SPOCK3: variants seen among roughly 807,000 people sequenced by gnomAD.
The protein encoded by SPOCK3 is SPARC (osteonectin), cwcv and kazal like domains proteoglycan 3.
SPOCK3 carries 30 observed loss-of-function variants against 56.6 expected under a neutral mutation model. That is an observed-to-expected ratio of 0.53 (90% CI 0.40 to 0.72). The LOEUF (loss-of-function observed/expected upper bound fraction) is 0.72, where lower values mean the gene tolerates loss of function less well. Among genes scored for constraint, SPOCK3 ranks in the 30% least tolerant of loss-of-function variants. The probability of loss-of-function intolerance (pLI) is 0.00; values close to 1 mark genes in which losing one functional copy is unlikely to be tolerated. For synonymous variants in SPOCK3, 196 were observed against 183.3 expected, an observed-to-expected ratio of 1.07 and a Z score of -0.56; for missense variants, 527 against 530.0, an observed-to-expected ratio of 0.99 and a Z score of 0.06.
intron 6 of SPOCK3, among the ~76,000 whole-genome samples, chr4:166,859,345 T>A (rs1019466721): frequency 2.0e-5 from 3 of 152,124 alleles, no homozygotes; most frequent in Non-Finnish European, 4.4e-5. Flanking sequence ...ATATAAAAAA[T>A]AAACACTGAT....
chr4:167,078,915 G>A (rs1757461002), intron 2 of SPOCK3, among the ~76,000 whole-genome samples: 4 of 151,814 alleles, frequency 2.6e-5, no homozygotes, highest in African/African-American at 9.7e-5. Flanking sequence ...GGAGCTTAGA[G>A]TCTGACTCTG....
chr4:167,169,514 T>C (rs776521074), intron 2 of SPOCK3, among the ~76,000 whole-genome samples: 9 of 152,188 alleles, frequency 5.9e-5, no homozygotes, highest in Admixed American at 1.3e-4. Context: ...GGAGTTGGTG[T>C]ATTTATCCAA....
chr4:167,205,544 T>TTA (rs1561322742), intron 2 of SPOCK3, among the ~76,000 whole-genome samples: 25 of 57,624 alleles, frequency 4.3e-4, no homozygotes, highest in Non-Finnish European at 6.2e-4. Flanking sequence ...ATAATATATA[T>TTA]TATATAATAT....
chr4:167,106,834 C>T (rs1011696467), intron 2 of SPOCK3, among the ~76,000 whole-genome samples: 4 of 149,034 alleles, frequency 2.7e-5, no homozygotes, highest in African/African-American at 4.9e-5. Context: ...CAATTGATAC[C>T]ACAGAAATTG....
intron 2 of SPOCK3, chr4:167,083,312 A>G: frequency 2.6e-6 from 2 of 764,578 alleles, no homozygotes; most frequent in Non-Finnish European, 4.8e-6. Flanking sequence ...ATCTGCTCCT[A>G]CTGAGATGCC....
intron 2 of SPOCK3, among the ~76,000 whole-genome samples, chr4:167,095,554 G>A (rs1204338632): frequency 6.6e-6 from 1 of 151,874 alleles, no homozygotes; most frequent in African/African-American, 2.4e-5. Flanking sequence ...AAATAAAATT[G>A]TAGCCATAGT....
chr4:167,154,349 C>A (rs950380547), intron 2 of SPOCK3, among the ~76,000 whole-genome samples: 1 of 151,820 alleles, frequency 6.6e-6, no homozygotes, highest in Non-Finnish European at 1.5e-5. Flanking sequence ...GTTTTGGGAC[C>A]AGGATTACGG....
At chr4:166,800,264 T>C (rs35117354) in intron 6 of SPOCK3, among the ~76,000 whole-genome samples, 1 of 149,094 alleles carries the variant, frequency 6.7e-6, no homozygotes, top group African/African-American at 2.5e-5. Context: ...ATATTCATGG[T>C]GCATTATCTG....
At chr4:166,899,057 C>T (rs1355876952) in intron 5 of SPOCK3, among the ~76,000 whole-genome samples, 1 of 151,964 alleles carries the variant, frequency 6.6e-6, no homozygotes, top group Non-Finnish European at 1.5e-5. Context: ...GACATCAGCA[C>T]TCATTCCACT....
At chr4:167,099,640 TTTC>T (rs760440893) in intron 2 of SPOCK3, among the ~76,000 whole-genome samples, 2 of 152,096 alleles carry the variant, frequency 1.3e-5, no homozygotes, top group Non-Finnish European at 2.9e-5. Flanking sequence ...TTAATCATAA[TTTC>T]TTCATTTCAT....
intron 2 of SPOCK3, among the ~76,000 whole-genome samples, chr4:167,069,471 A>C (rs971806319): frequency 2.0e-5 from 3 of 152,102 alleles, no homozygotes; most frequent in Non-Finnish European, 4.4e-5. Flanking sequence ...TGATATCATA[A>C]GATAAAAATA....
chr4:167,139,151 T>C (rs1264050254), intron 2 of SPOCK3, among the ~76,000 whole-genome samples: 1 of 151,970 alleles, frequency 6.6e-6, no homozygotes, highest in Non-Finnish European at 1.5e-5. Flanking sequence ...TGTAAGCCCA[T>C]ATAATAGATT....
chr4:166,985,518 A>T (rs115662962), intron 4 of SPOCK3, among the ~76,000 whole-genome samples: 1 of 152,196 alleles, frequency 6.6e-6, no homozygotes, highest in Non-Finnish European at 1.5e-5. Context: ...TTTAGCAAAC[A>T]TTCAGGACTC....
intron 2 of SPOCK3, among the ~76,000 whole-genome samples, chr4:167,165,131 C>CGTA (rs1335192193): frequency 1.3e-5 from 2 of 151,998 alleles, no homozygotes; most frequent in African/African-American, 4.8e-5. Flanking sequence ...TAAACAATAC[C>CGTA]ATTCAGGACA....
intron 2 of SPOCK3, among the ~76,000 whole-genome samples, chr4:167,101,245 C>CT (rs1300901560): frequency 4.6e-5 from 7 of 152,112 alleles, no homozygotes; most frequent in Non-Finnish European, 1.0e-4. Flanking sequence ...CTCTTTCTCC[C>CT]TCCCACTTCC....
intron 2 of SPOCK3, among the ~76,000 whole-genome samples, chr4:167,126,656 GTCT>G (rs992035823): frequency 1.3e-5 from 2 of 151,800 alleles, no homozygotes; most frequent in African/African-American, 4.8e-5. Flanking sequence ...ATAGACAATG[GTCT>G]TCTTCTCAGG....
chr4:166,953,677 A>T (rs1200507876), intron 4 of SPOCK3, among the ~76,000 whole-genome samples: 1 of 152,224 alleles, frequency 6.6e-6, no homozygotes, highest in Non-Finnish European at 1.5e-5. Flanking sequence ...AAAGACTTGG[A>T]ACCAACCCAA....
intron 8 of SPOCK3, among the ~76,000 whole-genome samples, chr4:166,746,368 G>C (rs1735616738): frequency 6.6e-6 from 1 of 152,180 alleles, no homozygotes; most frequent in East Asian, 1.9e-4. Flanking sequence ...CATGGAAACT[G>C]AACAACCTGC....
At chr4:167,046,989 G>A (rs376440588) in intron 3 of SPOCK3, among the ~76,000 whole-genome samples, 1 of 152,050 alleles carries the variant, frequency 6.6e-6, no homozygotes. Context: ...TATCTGCAAC[G>A]GTACAGGACT....
Sources: gnomAD v4.1 joint callset for allele counts (sites outside exome capture counted in the v4.1 genomes callset) on GRCh38, gnomAD v4.1.1 for gene constraint, MANE v1.5 for transcripts, NCBI Gene and HGNC (gene_info 2026-07-23, HGNC 2026-07-21) for gene names.